PREX2: variants seen among roughly 807,000 people sequenced by gnomAD.
The protein encoded by PREX2 is phosphatidylinositol 3,4,5-trisphosphate-dependent Rac exchanger 2 protein.
A neutral mutation model predicts 203.2 loss-of-function variants in PREX2; 107 were observed. That is an observed-to-expected ratio of 0.53 (90% CI 0.45 to 0.62). The LOEUF is 0.62. Among genes scored for constraint, PREX2 ranks in the 20% least tolerant of loss-of-function variants. The pLI is 0.00. For missense variants in PREX2, 1,777 were observed against 1,955.9 expected (o/e 0.91, Z 1.72); for synonymous variants, 672 against 663.6 (o/e 1.01, Z -0.19).
At chr8:68,093,054 C>T (rs1809931167) in intron 20 of PREX2, among the ~76,000 whole-genome samples, 1 of 152,100 alleles carries the variant, frequency 6.6e-6, no homozygotes, top group Non-Finnish European at 1.5e-5. Context: ...AAACATACAT[C>T]TTTGGAACAT....
chr8:68,100,920 G>A (rs1045057532), intron 23 of PREX2, among the ~76,000 whole-genome samples: 1 of 152,076 alleles, frequency 6.6e-6, no homozygotes, highest in East Asian at 1.9e-4. Flanking sequence ...TGATGGCTTG[G>A]ACTACATTGA....
chr8:67,979,969 C>T (rs1337777216), intron 1 of PREX2, among the ~76,000 whole-genome samples: 13 of 152,184 alleles, frequency 8.5e-5, no homozygotes, highest in African/African-American at 2.9e-4. Flanking sequence ...TATGCCATCT[C>T]ATAGACAGAC....
At chr8:68,195,632 C>T (rs898252445) in intron 37 of PREX2, among the ~76,000 whole-genome samples, 4 of 150,806 alleles carry the variant, frequency 2.7e-5, no homozygotes, top group African/African-American at 9.8e-5. Context: ...GAACCCAAGC[C>T]AGATCCACAC....
intron 33 of PREX2, among the ~76,000 whole-genome samples, chr8:68,141,093 A>G (rs1374656495): frequency 1.3e-5 from 2 of 152,198 alleles, no homozygotes; most frequent in Non-Finnish European, 2.9e-5. Flanking sequence ...TGAGAGATAC[A>G]AGGAAGTAAA....
At chr8:68,115,184 C>T (rs758560685) in intron 25 of PREX2, among the ~76,000 whole-genome samples, 9 of 151,950 alleles carry the variant, frequency 5.9e-5, no homozygotes, top group African/African-American at 1.5e-4. Flanking sequence ...TGCGCCACCA[C>T]GCCCGGCTAA....
chr8:68,097,033 CAA>C lies in PREX2; in HGVS notation c.2386_2387del (p.Asn796HisfsTer6). The C allele has an allele frequency of 6.2e-7, 1 of 1,613,032 alleles. No homozygotes were observed. The highest frequency in any genetic ancestry group is 8.5e-7 in the Non-Finnish European group (1 of 1,179,430). ...TTGTTCCAGAGGTTATTGACAAATT[CAA>C]CACTATGGCCATCATTGATGGGAAG... The part of the protein sequence containing the change: ...CKVEEVIDKF[N>X]TMAIIDGKKE... On this transcript the variant is annotated frameshift_variant, in exon 22 of 40. Coordinates refer to ENST00000288368, the MANE Select transcript of PREX2 (RefSeq NM_024870.4). LOFTEE classifies it high-confidence loss of function.
chr8:67,976,825 GA>G (rs1806126861), intron 1 of PREX2, among the ~76,000 whole-genome samples: 6 of 132,496 alleles, frequency 4.5e-5, no homozygotes, highest in African/African-American at 1.3e-4. Flanking sequence ...GAGACAGAGA[GA>G]GAGAAGCCAA....
intron 35 of PREX2, among the ~76,000 whole-genome samples, chr8:68,174,237 C>T (rs1329223929): frequency 1.3e-5 from 2 of 152,040 alleles, no homozygotes; most frequent in African/African-American, 4.8e-5. Context: ...AGCTTGCAGC[C>T]AGAACTTTTG....
chr8:68,228,799 AAAT>A (rs869192391), intron 39 of PREX2, among the ~76,000 whole-genome samples: 12 of 118,580 alleles, frequency 1.0e-4, no homozygotes, highest in Non-Finnish European at 2.0e-4. Flanking sequence ...ATAAATAAAT[AAAT>A]AAGCCGGGCT....
chr8:68,226,691 A>C lies in PREX2; in HGVS notation c.4775+2065A>C, dbSNP rs377311107. 3.3e-5 allele frequency among the ~76,000 whole-genome samples: 5 copies of C among 152,320 alleles called. No individual in the cohort carries two copies. The East Asian group carries it at 7.7e-4, about 24-fold the overall frequency. On this transcript the variant is annotated intron_variant, in intron 39 of 39. Transcript: ENST00000288368. ...CTATAGGTGTCAGGCCCCTTGCTAA[A>C]AGCTAGAGGACTAAAGACATAGTGT...
intron 34 of PREX2, among the ~76,000 whole-genome samples, chr8:68,147,773 C>A (rs556863227): frequency 1.6e-4 from 25 of 152,108 alleles, no homozygotes; most frequent in Non-Finnish European, 3.5e-4. Context: ...ATGAAGATTG[C>A]AGTGAAGAGA....
chr8:68,013,159 G>T (rs1018243677), intron 1 of PREX2, among the ~76,000 whole-genome samples: 1 of 152,228 alleles, frequency 6.6e-6, no homozygotes, highest in South Asian at 2.1e-4. Context: ...AACAAAGCAG[G>T]TAGGCTCTGC....
At position 67,986,574 on chromosome 8, in the gene PREX2, A is replaced by T. The variant is rs183343895; in HGVS notation, c.142-31272A>T. 4.6e-5 allele frequency among the ~76,000 whole-genome samples: 7 copies of T among 152,258 alleles called. No homozygotes were observed. In the East Asian group the frequency reaches 9.7e-4, roughly 21 times the overall value. On this transcript the variant is annotated intron_variant, in intron 1 of 39. Transcript: ENST00000288368. ...AGTCCTCTGTAATACTTTCATGGAG[A>T]TTTATCTCATTGGGTTTAAGTCATA...
In PREX2 at chr8:68,146,248, C is replaced by T. The variant is rs1478170399; in HGVS notation, c.4127C>T (p.Ala1376Val). 6.2e-7 allele frequency: 1 copy of T among 1,611,362 alleles called. No homozygotes were observed. The highest frequency in any genetic ancestry group is 8.5e-7 in the Non-Finnish European group (1 of 1,178,430). Residue 1376 changes from alanine (A) to valine (V), a missense_variant, in exon 34 of 40, where the codon GCT (alanine) becomes GTT (valine). By Grantham distance (64) the Ala-to-Val change is moderately conservative. Transcript: ENST00000288368. Reference sequence around the variant, plus strand: ...TATCAAGCAGAAGGAAGTCGGCAAGCTCTGAAAGTTTACTTCTACATTGAT... The same window carrying T: ...TATCAAGCAGAAGGAAGTCGGCAAGTTCTGAAAGTTTACTTCTACATTGAT... The part of the protein sequence containing the change: ...LTYQAEGSRQ[A>V]LKVYFYIDSY...
chr8:67,993,359 T>C (rs1806662733), intron 1 of PREX2, among the ~76,000 whole-genome samples: 1 of 152,074 alleles, frequency 6.6e-6, no homozygotes, highest in Admixed American at 6.6e-5. Flanking sequence ...GAATACTATG[T>C]CTTGCAACTA....
At position 68,080,582 on chromosome 8, in the gene PREX2, A is replaced by G; in HGVS notation, c.1782A>G (p.Leu594=). The change falls in exon 16 of 40, where the codon TTA becomes TTG. Residue 594 remains leucine (L), a synonymous_variant. Transcript: ENST00000288368. ...TGGAAAATGTTATAGCTAAGTCATT[A>G]TTGGTAAGTTTATTGATATGTTATA... ...KVVENVIAKS[L]LIKSNEGSYG... is the part of the protein sequence containing the mutation. The G allele has an allele frequency of 6.3e-7, 1 of 1,597,820 alleles. No individual in the cohort carries two copies. The highest frequency in any genetic ancestry group is 1.1e-5 in the South Asian group (1 of 89,096).
intron 1 of PREX2, among the ~76,000 whole-genome samples, chr8:67,987,805 T>A (rs184264175): frequency 6.6e-6 from 1 of 152,340 alleles, no homozygotes; most frequent in Admixed American, 6.5e-5. Flanking sequence ...ATCTTCCTTC[T>A]CTGTGCTCTG....
chr8:68,228,546 C>T (rs370147610), intron 39 of PREX2, among the ~76,000 whole-genome samples: 73 of 151,926 alleles, frequency 4.8e-4, no homozygotes, highest in African/African-American at 1.5e-3. Flanking sequence ...GCGGATCATG[C>T]GGTCAGGAGA....
Position 68,231,375 on chromosome 8 carries a change from A to T in PREX2, c.4818A>T (p.Glu1606Asp). The change falls in exon 40 of 40, where the codon GAA becomes GAT. Residue 1606 changes from glutamate to aspartate, a missense_variant. Physicochemically the swap from Glu to Asp is conservative, Grantham distance 45. Coordinates refer to ENST00000288368, the MANE Select transcript of PREX2 (RefSeq NM_024870.4). The part of the protein sequence containing the change: ...LCEPPPPAGE[E>D] ...AGCCACCTCCCCCAGCTGGAGAAGA[A>T]TGAAAAGAACTCCCAAGAAACCAGG... 6.3e-7 allele frequency: 1 copy of T among 1,599,656 alleles called. No homozygotes were observed. Among genetic ancestry groups the T allele is most frequent in the East Asian group, 2.3e-5 (1 of 43,796 alleles).
Sources: allele counts gnomAD v4.1 joint callset (sites outside exome capture counted in the v4.1 genomes callset), GRCh38; gene constraint gnomAD v4.1.1; transcripts MANE v1.5; gene names NCBI Gene and HGNC (gene_info 2026-07-23, HGNC 2026-07-21).